The following RARB variants were observed in gnomAD, a reference collection of about 807,000 sequenced individuals.
RARB encodes the protein retinoic acid receptor beta.
A neutral mutation model predicts 51.9 loss-of-function variants in RARB; 17 were observed. The ratio of observed to expected loss-of-function variants is 0.33; its 90% CI spans 0.22 to 0.49. The LOEUF (loss-of-function observed/expected upper bound fraction) is 0.49. Among genes scored for constraint, RARB ranks in the 20% least tolerant of loss-of-function variants. The pLI is 0.99. For synonymous variants in RARB, 215 were observed against 195.4 expected, an observed-to-expected ratio of 1.10 and a Z score of -0.84; for missense variants, 369 against 550.8, an observed-to-expected ratio of 0.67 and a Z score of 3.30.
At position 25,169,678 on chromosome 3, in the gene RARB, G is replaced by A. The variant is rs940244474; in HGVS notation, c.-279-4441G>A. ...TTAAGAGAGTTATATCATATTTATA[G>A]TAGGAACCAATAGATAAAAAAAATT... On this transcript the variant is annotated intron_variant, in intron 4 of 11. Transcript: ENST00000383772. 2.0e-5 allele frequency among the ~76,000 whole-genome samples: 3 copies of A among 152,048 alleles called. 1 individual carries two copies. Among genetic ancestry groups the A allele is most frequent in the African/African-American group, 7.2e-5 (3 of 41,402 alleles).
At chr3:25,016,878 C>A (rs73820392) in intron 2 of RARB, among the ~76,000 whole-genome samples, 3,652 of 152,220 alleles carry the variant, frequency 0.024, 107 homozygotes, top group East Asian at 0.14. Flanking sequence ...ACACCAGCAT[C>A]TGATTTATAC....
At chr3:25,525,328 C>A (rs1318276700) in intron 3 of RARB, among the ~76,000 whole-genome samples, 3 of 152,060 alleles carry the variant, frequency 2.0e-5, no homozygotes, top group African/African-American at 7.2e-5. Flanking sequence ...ACAGAAGGGG[C>A]AGAGAGAGCC....
rs73145399 is a variant in RARB, at chr3:25,187,530, C to G, written c.178+12955C>G. Among the ~76,000 whole-genome samples the G allele has an allele frequency of 4.5e-3, 690 of 151,942 alleles. 7 individuals carry two copies. Among genetic ancestry groups the G allele is most frequent in the African/African-American group, 0.016 (648 of 41,462 alleles). On this transcript the variant is annotated intron_variant, in intron 5 of 11. Transcript: ENST00000383772. ...TACAAAGATAAAATATGAATATATCCTTCATGTGTTAGAGACAGGAGAAAG... is the reference window on the plus strand; with the variant it reads ...TACAAAGATAAAATATGAATATATCGTTCATGTGTTAGAGACAGGAGAAAG...
At chr3:25,099,096 G>A (rs1423232290) in intron 3 of RARB, among the ~76,000 whole-genome samples, 1 of 152,178 alleles carries the variant, frequency 6.6e-6, no homozygotes, top group African/African-American at 2.4e-5. Flanking sequence ...GAGTCTGTGA[G>A]AGGTAAATGA....
chr3:25,206,210 C>G (rs1253673638), intron 5 of RARB, among the ~76,000 whole-genome samples: 3 of 152,140 alleles, frequency 2.0e-5, no homozygotes, highest in Non-Finnish European at 4.4e-5. Context: ...TCAAGTGAAT[C>G]CCCTCCTTGG....
intron 5 of RARB, among the ~76,000 whole-genome samples, chr3:25,332,240 C>T (rs1704921669): frequency 6.6e-6 from 1 of 152,142 alleles, no homozygotes; most frequent in African/African-American, 2.4e-5. Flanking sequence ...AATTGTAGAC[C>T]AATATCCCTG....
At chr3:24,977,663 T>G (rs1696548494) in intron 2 of RARB, among the ~76,000 whole-genome samples, 1 of 152,212 alleles carries the variant, frequency 6.6e-6, no homozygotes, top group African/African-American at 2.4e-5. Flanking sequence ...GCTGAGACTG[T>G]GGGGTTTTCT....
At chr3:24,862,490 T>G (rs984848806) in intron 2 of RARB, among the ~76,000 whole-genome samples, 1 of 152,108 alleles carries the variant, frequency 6.6e-6, no homozygotes, top group African/African-American at 2.4e-5. Flanking sequence ...TAGAAATAAT[T>G]CATAGGTTTC....
At chr3:25,209,933 T>G (rs1310191737) in intron 5 of RARB, among the ~76,000 whole-genome samples, 1 of 152,206 alleles carries the variant, frequency 6.6e-6, no homozygotes, top group Non-Finnish European at 1.5e-5. Flanking sequence ...TTCAAAGTTA[T>G]AAAACTAAAC....
At chr3:25,471,144 C>T (rs1408502581) in intron 2 of RARB, among the ~76,000 whole-genome samples, 1 of 152,146 alleles carries the variant, frequency 6.6e-6, no homozygotes, top group Admixed American at 6.5e-5. Context: ...TGTAAACATT[C>T]ATGGAATTAT....
At chr3:25,174,918 C>A (rs548170921) in intron 5 of RARB, among the ~76,000 whole-genome samples, 5 of 152,104 alleles carry the variant, frequency 3.3e-5, no homozygotes, top group Non-Finnish European at 7.4e-5. Flanking sequence ...GGAGATGATA[C>A]CATAAAAATC....
rs76463460 is a variant in RARB at position 24,877,912 on chromosome 3, T to A, written c.-380+19160T>A. On this transcript the variant is annotated intron_variant, in intron 2 of 11. Transcript: ENST00000383772. The stretch of plus-strand genomic sequence containing the variant: ...GATTTTCCTGTTTCTTTTCAAAATA[T>A]ATCACTTACTAGGTGTTTTTCACAA... 0.014 allele frequency among the ~76,000 whole-genome samples: 2,111 copies of A among 152,308 alleles called. 76 individuals are homozygous for A. In the East Asian group the frequency reaches 0.14, roughly 10 times the overall value.
intron 5 of RARB, among the ~76,000 whole-genome samples, chr3:25,329,004 G>A (rs1018962845): frequency 1.3e-5 from 2 of 152,166 alleles, no homozygotes; most frequent in Admixed American, 1.3e-4. Context: ...TGAGGCTTGA[G>A]TAGGTAAACA....
intron 5 of RARB, among the ~76,000 whole-genome samples, chr3:25,585,811 G>A (rs1355059019): frequency 6.6e-6 from 1 of 152,212 alleles, no homozygotes; most frequent in Non-Finnish European, 1.5e-5. Flanking sequence ...ACAGGAGGAA[G>A]CTCAGAGAGG....
intron 3 of RARB, among the ~76,000 whole-genome samples, chr3:25,506,252 C>CA (rs35856686): frequency 0.07 from 3,901 of 55,824 alleles, 197 homozygotes; most frequent in Non-Finnish European, 0.085. Flanking sequence ...GACTCCATCT[C>CA]AAAAAAAAAA....
At chr3:24,897,556 A>G (rs1034385377) in intron 2 of RARB, among the ~76,000 whole-genome samples, 4 of 152,204 alleles carry the variant, frequency 2.6e-5, no homozygotes, top group Non-Finnish European at 5.9e-5. Context: ...ATAGAATACT[A>G]TAAAAAACTT....
At chr3:25,433,498 C>G (rs974658690) in intron 1 of RARB, among the ~76,000 whole-genome samples, 17 of 152,148 alleles carry the variant, frequency 1.1e-4, no homozygotes, top group Admixed American at 1.1e-3. Flanking sequence ...CACTCTAGCA[C>G]CTGTGTGTGC....
chr3:25,221,473 C>T (rs1311182148), intron 5 of RARB, among the ~76,000 whole-genome samples: 1 of 152,160 alleles, frequency 6.6e-6, no homozygotes, highest in Non-Finnish European at 1.5e-5. Context: ...AGTGATTATT[C>T]TTAGAAGTTT....
intron 5 of RARB, among the ~76,000 whole-genome samples, chr3:25,348,325 T>A (rs1332808996): frequency 6.6e-6 from 1 of 152,040 alleles, no homozygotes; most frequent in Non-Finnish European, 1.5e-5. Flanking sequence ...TAAATAAAAA[T>A]TTATTTTGGT....
Sources: gnomAD v4.1 joint callset for allele counts (sites outside exome capture counted in the v4.1 genomes callset) on GRCh38, gnomAD v4.1.1 for gene constraint, MANE v1.5 for transcripts, NCBI Gene and HGNC (gene_info 2026-07-23, HGNC 2026-07-21) for gene names.